LRRTM4: variants seen among roughly 807,000 people sequenced by gnomAD.
LRRTM4 encodes the protein leucine rich repeat transmembrane neuronal 4.
Under a neutral mutation model 47.6 loss-of-function variants are expected in LRRTM4, and 25 were observed. The observed-to-expected ratio is 0.53, with a 90% CI of 0.38 to 0.73. The LOEUF is 0.73. Among genes scored for constraint, LRRTM4 ranks in the 30% least tolerant of loss-of-function variants. The pLI is 0.00. For missense variants in LRRTM4, 638 were observed against 713.4 expected, an observed-to-expected ratio of 0.89 and a Z score of 1.20; for synonymous variants, 311 against 269.5, an observed-to-expected ratio of 1.15 and a Z score of -1.51.
intron 3 of LRRTM4, among the ~76,000 whole-genome samples, chr2:77,042,532 A>G (rs1236414444): frequency 6.6e-6 from 1 of 151,742 alleles, no homozygotes; most frequent in Non-Finnish European, 1.5e-5. Context: ...TGGAATTATA[A>G]CAAGAGTGTA....
At chr2:77,337,549 A>C (rs2104267082) in intron 3 of LRRTM4, among the ~76,000 whole-genome samples, 1 of 152,064 alleles carries the variant, frequency 6.6e-6, no homozygotes, top group South Asian at 2.1e-4. Flanking sequence ...ATAGTGAACA[A>C]GTTTTCGTGA....
chr2:76,861,196 A>C (rs1672301773), intron 3 of LRRTM4, among the ~76,000 whole-genome samples: 1 of 152,150 alleles, frequency 6.6e-6, no homozygotes, highest in African/African-American at 2.4e-5. Context: ...CAACCCTACC[A>C]ATCTTAATAA....
chr2:77,478,900 C>T (rs1312552157), intron 3 of LRRTM4, among the ~76,000 whole-genome samples: 4 of 152,124 alleles, frequency 2.6e-5, no homozygotes, highest in Admixed American at 2.0e-4. Flanking sequence ...CTTCTTCTTT[C>T]TTTCTTTTTT....
chr2:77,197,467 T>A (rs1673860938), intron 3 of LRRTM4, among the ~76,000 whole-genome samples: 1 of 152,160 alleles, frequency 6.6e-6, no homozygotes, highest in East Asian at 1.9e-4. Context: ...TTATTTCAGA[T>A]TGCTGATTTT....
chr2:77,224,805 G>T (rs1028877543), intron 3 of LRRTM4, among the ~76,000 whole-genome samples: 2 of 152,092 alleles, frequency 1.3e-5, no homozygotes, highest in Admixed American at 1.3e-4. Context: ...TCAGTGTGGT[G>T]ATTCCTCTCA....
intron 3 of LRRTM4, among the ~76,000 whole-genome samples, chr2:77,058,817 T>C (rs535885665): frequency 6.6e-6 from 1 of 152,272 alleles, no homozygotes; most frequent in African/African-American, 2.4e-5. Context: ...ACGATTGTTT[T>C]AAATATATTA....
rs541143803 is a variant in LRRTM4 at position 77,256,222 on chromosome 2, A to G, written c.1551+262096T>C. ...AGCACAAATTATCACTACTCGGCCA[A>G]TTTGAAATAGAGAGTGTAACTTGCC... On this transcript the variant is annotated intron_variant, in intron 3 of 3. Coordinates refer to ENST00000409884, the MANE Select transcript of LRRTM4 (RefSeq NM_001134745.3). 2.6e-5 allele frequency among the ~76,000 whole-genome samples: 4 copies of G among 152,276 alleles called. No homozygotes were observed. The South Asian group carries it at 8.3e-4, about 32-fold the overall frequency.
chr2:76,968,069 T>C (rs2103931125), intron 3 of LRRTM4, among the ~76,000 whole-genome samples: 1 of 151,384 alleles, frequency 6.6e-6, no homozygotes, highest in East Asian at 2.0e-4. Context: ...CAAAATGAAG[T>C]AACTCATTAT....
Position 77,518,648 on chromosome 2 carries a change from C to T in LRRTM4, c.1221G>A (p.Gly407=). The change falls in exon 3 of 4, where the codon GGG becomes GGA. Residue 407 remains glycine, a synonymous_variant. Coordinates refer to ENST00000409884, the MANE Select transcript of LRRTM4 (RefSeq NM_001134745.3). ...CTTGCTCTGCGCCAGGAATCTGAAA[C>T]CCTGGGGAAGGGCTTGGTGTTTCAA... ...STFETPSPSP[G]FQIPGAEQEY... is the part of the protein sequence containing the mutation. 1 of 1,613,328 alleles carries T rather than the reference C, an allele frequency of 6.2e-7. No homozygotes were observed. Among genetic ancestry groups the T allele is most frequent in the Non-Finnish European group, 8.5e-7 (1 of 1,179,606 alleles).
chr2:77,394,354 C>T (rs1160344907), intron 3 of LRRTM4, among the ~76,000 whole-genome samples: 3 of 151,908 alleles, frequency 2.0e-5, no homozygotes, highest in African/African-American at 7.2e-5. Context: ...CCCTTACTGT[C>T]AAGATTGTAT....
At chr2:77,292,850 T>A (rs1678387142) in intron 3 of LRRTM4, among the ~76,000 whole-genome samples, 1 of 149,002 alleles carries the variant, frequency 6.7e-6, no homozygotes, top group Admixed American at 6.7e-5. Flanking sequence ...AGTATAATAA[T>A]AATAAAATTA....
At chr2:77,250,901 C>T (rs955532856) in intron 3 of LRRTM4, among the ~76,000 whole-genome samples, 5 of 151,952 alleles carry the variant, frequency 3.3e-5, no homozygotes, top group African/African-American at 9.7e-5. Flanking sequence ...GTGGGGAGTT[C>T]GAGACCAGTC....
chr2:77,459,397 T>C (rs1676689394), intron 3 of LRRTM4, among the ~76,000 whole-genome samples: 1 of 152,234 alleles, frequency 6.6e-6, no homozygotes, highest in African/African-American at 2.4e-5. Context: ...TGTGTTTAAA[T>C]AAATAGATAT....
chr2:77,466,987 C>G (rs1039846030), intron 3 of LRRTM4, among the ~76,000 whole-genome samples: 2 of 151,930 alleles, frequency 1.3e-5, no homozygotes, highest in Non-Finnish European at 2.9e-5. Flanking sequence ...CGTGAGCCAC[C>G]GTGCCTGGTC....
intron 3 of LRRTM4, among the ~76,000 whole-genome samples, chr2:77,086,455 G>C (rs896996130): frequency 6.8e-6 from 1 of 147,192 alleles, no homozygotes; most frequent in Non-Finnish European, 1.5e-5. Context: ...AGGAACTCAT[G>C]ATTGCAGGTT....
chr2:77,326,898 T>C (rs917372937), intron 3 of LRRTM4, among the ~76,000 whole-genome samples: 2 of 152,176 alleles, frequency 1.3e-5, no homozygotes, highest in African/African-American at 4.8e-5. Context: ...CTTGACAAAA[T>C]TTTTTCTTTG....
chr2:76,889,403 T>C (rs186493957), intron 3 of LRRTM4, among the ~76,000 whole-genome samples: 1 of 151,884 alleles, frequency 6.6e-6, no homozygotes, highest in East Asian at 1.9e-4. Flanking sequence ...ATGAGAAGAG[T>C]TCTTTCTTGA....
At chr2:76,809,309 G>A (rs545714969) in intron 3 of LRRTM4, among the ~76,000 whole-genome samples, 1 of 151,974 alleles carries the variant, frequency 6.6e-6, no homozygotes, top group Non-Finnish European at 1.5e-5. Context: ...TTTTTATTCA[G>A]TATTTTTCTA....
At chr2:77,102,128 T>G (rs1051287366) in intron 3 of LRRTM4, among the ~76,000 whole-genome samples, 1 of 152,150 alleles carries the variant, frequency 6.6e-6, no homozygotes, top group Non-Finnish European at 1.5e-5. Flanking sequence ...AAATCTCCAG[T>G]TTCTTATATC....
Sources: allele counts gnomAD v4.1 joint callset (sites outside exome capture counted in the v4.1 genomes callset), GRCh38; gene constraint gnomAD v4.1.1; transcripts MANE v1.5; gene names NCBI Gene and HGNC (gene_info 2026-07-23, HGNC 2026-07-21).